PCDHA11: variants seen among roughly 807,000 people sequenced by gnomAD.
PCDHA11 encodes protocadherin alpha-11.
PCDHA11 carries 61 observed loss-of-function variants against 70.3 expected under a neutral mutation model. That is an observed-to-expected ratio of 0.87 (90% CI 0.71 to 1.07). The LOEUF is 1.07. PCDHA11 is among the 50% of genes least tolerant of loss of function. PCDHA11 has a pLI of 0.00. For synonymous variants in PCDHA11, 633 were observed against 555.1 expected (o/e 1.14, Z -1.97); for missense variants, 1,324 against 1,237.5 (o/e 1.07, Z -1.05).
In PCDHA11 at chr5:140,982,489, A is replaced by G. The variant is rs782634646; in HGVS notation, c.2465A>G (p.Glu822Gly). The change falls in exon 3 of 4, where the codon GAG (glutamate) becomes GGG (glycine). Residue 822 changes from glutamate to glycine, a missense_variant. By Grantham distance (98) the Glu-to-Gly change is moderately conservative. Transcript: ENST00000398640. ...RAGMHSSVHL[E>G]EAGILRAGPG... ...TGTTTATTCAGCTCTGTGCACCTAG[A>G]GGAGGCTGGCATTCTACGGGCTGGT... 3 of 1,614,066 alleles carry G rather than the reference A, an allele frequency of 1.9e-6. No individual in the cohort carries two copies. The African/African-American group carries it at 4.0e-5, about 22-fold the overall frequency.
intron 1 of PCDHA11, among the ~76,000 whole-genome samples, chr5:140,917,553 T>C (rs1220066857): frequency 6.6e-6 from 1 of 152,258 alleles, no homozygotes; most frequent in African/African-American, 2.4e-5. Context: ...TACATTTAAC[T>C]CTTTAATCCA....
intron 3 of PCDHA11, among the ~76,000 whole-genome samples, chr5:140,992,388 G>A (rs2097508351): frequency 6.6e-6 from 1 of 152,120 alleles, no homozygotes; most frequent in Non-Finnish European, 1.5e-5. Context: ...TTGTGTTCTG[G>A]ACTTAGAGAT....
chr5:140,927,705 C>T (rs2084535217), intron 1 of PCDHA11: 1 of 1,614,100 alleles, frequency 6.2e-7, no homozygotes, highest in African/African-American at 1.3e-5. Flanking sequence ...TCCAGTACTC[C>T]CTAAGCAACA....
intron 1 of PCDHA11, among the ~76,000 whole-genome samples, chr5:140,911,786 TG>T (rs1394803815): frequency 6.6e-6 from 1 of 152,212 alleles, no homozygotes; most frequent in Non-Finnish European, 1.5e-5. Flanking sequence ...TTAGCATTTT[TG>T]GGTCTAATCA....
intron 1 of PCDHA11, among the ~76,000 whole-genome samples, chr5:140,906,707 CT>C (rs1554192656): frequency 6.6e-6 from 1 of 152,198 alleles, no homozygotes; most frequent in Non-Finnish European, 1.5e-5. Flanking sequence ...ATTTGTAGTC[CT>C]GCCTGGATTG....
At chr5:140,881,469 T>C (rs879988017) in intron 1 of PCDHA11, 3 of 570,626 alleles carry the variant, frequency 5.3e-6, no homozygotes, top group Non-Finnish European at 6.7e-6. Context: ...AGCATTGTTG[T>C]GGCTAAATTA....
chr5:140,884,449 C>T, intron 1 of PCDHA11: 1 of 1,613,826 alleles, frequency 6.2e-7, no homozygotes, highest in Non-Finnish European at 8.5e-7. Context: ...CGGCACCGCC[C>T]ACCGAGGGCG....
intron 1 of PCDHA11, among the ~76,000 whole-genome samples, chr5:140,937,847 A>G (rs2091797551): frequency 6.8e-6 from 1 of 148,000 alleles, no homozygotes; most frequent in Non-Finnish European, 1.5e-5. Flanking sequence ...GGAAGGCGGA[A>G]CTTGGAGTGA....
intron 1 of PCDHA11, among the ~76,000 whole-genome samples, chr5:140,959,109 G>A (rs1401809702): frequency 1.3e-5 from 2 of 152,040 alleles, no homozygotes; most frequent in African/African-American, 4.8e-5. Context: ...GCAGGGGTCC[G>A]AAGGTGGGCG....
rs2050795044 is a variant in PCDHA11, at chr5:140,869,015, A to G, written c.-89A>G. The stretch of plus-strand genomic sequence containing the variant: ...GTTTAAGGATCCTTTGAAACTTCTT[A>G]AGAATTCAACGAGATTTTTAACCTG... On this transcript the variant is annotated 5_prime_UTR_variant, in exon 1 of 4. Coordinates refer to ENST00000398640, the MANE Select transcript of PCDHA11 (RefSeq NM_018902.5). 6.6e-7 allele frequency: 1 copy of G among 1,524,382 alleles called. No homozygotes were observed. Among genetic ancestry groups the G allele is most frequent in the Non-Finnish European group, 8.8e-7 (1 of 1,140,464 alleles). 94.4% of individuals were successfully genotyped at this position (1,524,382 alleles called of 1,614,324 possible).
chr5:141,009,571 T>C, intron 3 of PCDHA11, 56 bp from the exon 4 acceptor site: 10 of 1,578,600 alleles, frequency 6.3e-6, no homozygotes, highest in Non-Finnish European at 7.7e-6. Context: ...ACCAGCAGTG[T>C]GGCATCAAGA....
chr5:140,882,602 A>G lies in PCDHA11; in HGVS notation c.2391+11108A>G, dbSNP rs782347582. 1.9e-6 allele frequency: 3 copies of G among 1,614,276 alleles called. No homozygotes were observed. In the South Asian group the frequency reaches 3.3e-5, roughly 18 times the overall value. ...CATCCACCTGGAGGTGATCGTGGAC[A>G]GGCCTCTGCAGGTTTTCCATGTGGA... On this transcript the variant is annotated intron_variant, in intron 1 of 3. Coordinates refer to ENST00000398640, the MANE Select transcript of PCDHA11 (RefSeq NM_018902.5).
chr5:140,879,204 G>A (rs1041591784), intron 1 of PCDHA11, among the ~76,000 whole-genome samples: 3 of 152,328 alleles, frequency 2.0e-5, no homozygotes, highest in Admixed American at 6.5e-5. Flanking sequence ...AATTATGGCA[G>A]TAGAAATGAA....
intron 1 of PCDHA11, chr5:140,928,844 C>T (rs782361945): frequency 1.2e-6 from 2 of 1,614,168 alleles, no homozygotes; most frequent in Non-Finnish European, 1.7e-6. Flanking sequence ...TCCTCTGTCA[C>T]TCTGGGTGTG....
intron 1 of PCDHA11, among the ~76,000 whole-genome samples, chr5:140,885,515 A>G (rs537252415): frequency 6.6e-6 from 1 of 152,294 alleles, no homozygotes; most frequent in South Asian, 2.1e-4. Context: ...ATGCTGTGCT[A>G]TCATTTCATA....
chr5:140,992,463 C>T (rs1416840803), intron 3 of PCDHA11, among the ~76,000 whole-genome samples: 1 of 152,162 alleles, frequency 6.6e-6, no homozygotes, highest in Non-Finnish European at 1.5e-5. Flanking sequence ...GAGGACAGTA[C>T]TCTTTAGATC....
chr5:140,927,128 A>T (rs2083872958), intron 1 of PCDHA11: 2 of 1,613,878 alleles, frequency 1.2e-6, no homozygotes, highest in Non-Finnish European at 1.7e-6. Context: ...GTGGTCAGAG[A>T]GCCGGCGGAC....
intron 1 of PCDHA11, among the ~76,000 whole-genome samples, chr5:140,891,886 G>A (rs1554184992): frequency 1.3e-5 from 2 of 152,186 alleles, no homozygotes; most frequent in East Asian, 1.9e-4. Context: ...GTCATGTGAC[G>A]ATGCAGCAAG....
chr5:140,884,833 C>T (rs1175023363), intron 1 of PCDHA11: 1 of 916,514 alleles, frequency 1.1e-6, no homozygotes, highest in Non-Finnish European at 1.5e-6. Flanking sequence ...GTTGGATTAT[C>T]CTTCAGAGTG....
Sources: gnomAD v4.1 joint callset for allele counts (sites outside exome capture counted in the v4.1 genomes callset) on GRCh38, gnomAD v4.1.1 for gene constraint, MANE v1.5 for transcripts, NCBI Gene and HGNC (gene_info 2026-07-23, HGNC 2026-07-21) for gene names.